ZHX2: variants seen among roughly 807,000 people sequenced by gnomAD.
ZHX2 encodes the protein zinc fingers and homeoboxes 2, also known as zinc fingers and homeoboxes protein 2.
In ZHX2, 6 loss-of-function variants were observed where a neutral mutation model predicts 21.9. That is an observed-to-expected ratio of 0.27 (90% CI 0.15 to 0.54). The LOEUF is 0.54. Ranked by LOEUF, ZHX2 falls within the 20% of genes least tolerant of loss-of-function variation. ZHX2 has a pLI of 0.95. For synonymous variants in ZHX2, 434 were observed against 437.1 expected (o/e 0.99, Z 0.09); for missense variants, 908 against 1,090.7 (o/e 0.83, Z 2.36).
intron 1 of ZHX2, among the ~76,000 whole-genome samples, chr8:122,829,058 T>G (rs1316419038): frequency 1.3e-5 from 2 of 152,206 alleles, no homozygotes; most frequent in East Asian, 1.9e-4. Context: ...GACTCTGTAA[T>G]AGTAAGGGTA....
At chr8:122,865,626 C>T (rs1819274730) in intron 2 of ZHX2, among the ~76,000 whole-genome samples, 1 of 152,178 alleles carries the variant, frequency 6.6e-6, no homozygotes, top group Admixed American at 6.5e-5. Context: ...CCAGCCCTTC[C>T]ACTAGCTGTG....
chr8:122,867,279 G>A (rs1819323353), intron 2 of ZHX2, among the ~76,000 whole-genome samples: 1 of 152,210 alleles, frequency 6.6e-6, no homozygotes, highest in Non-Finnish European at 1.5e-5. Context: ...TGAGTGAAAA[G>A]TCTTCAGCCC....
rs534304768 is a variant in ZHX2 at position 122,782,129 on chromosome 8, G to A, written c.-283+183G>A. Among the ~76,000 whole-genome samples the A allele has an allele frequency of 3.2e-3, 463 of 146,804 alleles. 9 individuals are homozygous for A. The highest frequency in any genetic ancestry group is 5.5e-3 in the Non-Finnish European group (361 of 66,154). ...TGATTGGAAGGGGGGTACGGAAGGGGGGGGGTGTGCAGGCTCTTTTTGCGG... is the reference window on the plus strand; with the variant it reads ...TGATTGGAAGGGGGGTACGGAAGGGAGGGGGTGTGCAGGCTCTTTTTGCGG... On this transcript the variant is annotated intron_variant, in intron 1 of 3. Transcript: ENST00000314393. This position sits in a 1 kb window ranked among gnomAD's most constrained non-coding sequence, Gnocchi z 5.3.
At chr8:122,842,043 A>G (rs910364935) in intron 1 of ZHX2, among the ~76,000 whole-genome samples, 4 of 152,222 alleles carry the variant, frequency 2.6e-5, no homozygotes, top group African/African-American at 9.6e-5. Flanking sequence ...AGAAGGAACA[A>G]ACAAATGAGC....
At chr8:122,948,673 C>T (rs956590358) in intron 2 of ZHX2, among the ~76,000 whole-genome samples, 19 of 152,086 alleles carry the variant, frequency 1.2e-4, no homozygotes, top group Middle Eastern at 3.4e-3. Flanking sequence ...CAGAACCAAC[C>T]CTAGTAGATA....
chr8:122,831,962 G>T (rs544394087), intron 1 of ZHX2, among the ~76,000 whole-genome samples: 17 of 152,188 alleles, frequency 1.1e-4, no homozygotes, highest in Admixed American at 6.5e-4. Flanking sequence ...GTGCATGTGG[G>T]GTGGTGACAC....
At chr8:122,860,965 G>A (rs1425514585) in intron 1 of ZHX2, among the ~76,000 whole-genome samples, 5 of 151,254 alleles carry the variant, frequency 3.3e-5, no homozygotes, top group African/African-American at 9.7e-5. Flanking sequence ...CCCAGGAGGC[G>A]GAGGTTGCAG....
intron 1 of ZHX2, among the ~76,000 whole-genome samples, chr8:122,799,247 C>A (rs1053366262): frequency 6.6e-6 from 1 of 152,158 alleles, no homozygotes; most frequent in African/African-American, 2.4e-5. Flanking sequence ...GCCTCATCTC[C>A]CCACGCAGCT....
At chr8:122,822,353 G>A (rs754169839) in intron 1 of ZHX2, among the ~76,000 whole-genome samples, 1 of 152,128 alleles carries the variant, frequency 6.6e-6, no homozygotes, top group Non-Finnish European at 1.5e-5. Flanking sequence ...GGACCTGAGA[G>A]AGCATTTTAT....
intron 1 of ZHX2, among the ~76,000 whole-genome samples, chr8:122,829,935 C>A (rs1374120312): frequency 2.0e-5 from 3 of 152,172 alleles, no homozygotes; most frequent in Non-Finnish European, 4.4e-5. Flanking sequence ...TAGGGAGAGT[C>A]TGAATGTGCC....
intron 3 of ZHX2, among the ~76,000 whole-genome samples, chr8:122,962,263 A>G (rs568445505): frequency 6.6e-6 from 1 of 152,086 alleles, no homozygotes; most frequent in African/African-American, 2.4e-5. Flanking sequence ...GTGCTCTTTT[A>G]TCCCTGACCC....
At chr8:122,858,704 G>A (rs901055927) in intron 1 of ZHX2, among the ~76,000 whole-genome samples, 3 of 139,528 alleles carry the variant, frequency 2.2e-5, no homozygotes, top group South Asian at 2.3e-4. Flanking sequence ...GCAGTGGCAC[G>A]ATCTTGGCTC....
At chr8:122,815,345 T>C (rs376426643) in intron 1 of ZHX2, 2 of 152,202 alleles carry the variant, frequency 1.3e-5, no homozygotes, top group East Asian at 1.9e-4. Flanking sequence ...ATAAGAATAA[T>C]GAATATAAAA....
At chr8:122,860,193 C>T (rs991597825) in intron 1 of ZHX2, among the ~76,000 whole-genome samples, 1 of 152,184 alleles carries the variant, frequency 6.6e-6, no homozygotes, top group Non-Finnish European at 1.5e-5. Context: ...CATCAGATCT[C>T]GTGAGAACTC....
intron 2 of ZHX2, among the ~76,000 whole-genome samples, chr8:122,942,675 G>A (rs1812876125): frequency 6.6e-6 from 1 of 152,030 alleles, no homozygotes; most frequent in Non-Finnish European, 1.5e-5. Flanking sequence ...CCCTAGAGAG[G>A]TCAAGAGCGG....
At chr8:122,848,771 C>T (rs897714227) in intron 1 of ZHX2, among the ~76,000 whole-genome samples, 3 of 152,188 alleles carry the variant, frequency 2.0e-5, no homozygotes, top group Admixed American at 6.5e-5. Flanking sequence ...TGGCTGGCAG[C>T]GGTTCTGAGG....
At chr8:122,812,659 T>C (rs1016334375) in intron 1 of ZHX2, among the ~76,000 whole-genome samples, 2 of 152,192 alleles carry the variant, frequency 1.3e-5, no homozygotes, top group African/African-American at 4.8e-5. Flanking sequence ...CCAGATCTTC[T>C]ATGTTAACTA....
Position 122,944,051 on chromosome 8 carries a change from G to A in ZHX2, c.-219-7241G>A, listed in dbSNP as rs145030836. ...CTGACTTGCTCATGCTGTCTGCTCT[G>A]CCTGGGAAGACTAGGTTCCTTTGAT... On this transcript the variant is annotated intron_variant, in intron 2 of 3. Transcript: ENST00000314393. Among the ~76,000 whole-genome samples, 13 of 152,190 alleles carry A rather than the reference G, an allele frequency of 8.5e-5. No individual in the cohort carries two copies. The East Asian group carries it at 2.1e-3, about 25-fold the overall frequency.
At chr8:122,893,668 G>C (rs996443887) in intron 2 of ZHX2, among the ~76,000 whole-genome samples, 1 of 152,040 alleles carries the variant, frequency 6.6e-6, no homozygotes, top group Non-Finnish European at 1.5e-5. Context: ...CAAGATTTCT[G>C]TTTGGCTCTT....
Sources: gnomAD v4.1 joint callset for allele counts (sites outside exome capture counted in the v4.1 genomes callset) on GRCh38, gnomAD v4.1.1 for gene constraint, Gnocchi (gnomAD v3.1) non-coding constraint, MANE v1.5 for transcripts, NCBI Gene and HGNC (gene_info 2026-07-23, HGNC 2026-07-21) for gene names.